SFT2D1: variants seen among roughly 807,000 people sequenced by gnomAD.
SFT2D1 encodes the protein vesicle transport protein SFT2A.
In SFT2D1, 24 loss-of-function variants were observed where a neutral mutation model predicts 28.1. The ratio of observed to expected loss-of-function variants is 0.85; its 90% CI spans 0.62 to 1.20. SFT2D1 has a LOEUF of 1.20. Among genes scored for constraint, SFT2D1 ranks in the 50% most tolerant of loss-of-function variants. The pLI is 0.00. For missense variants in SFT2D1, 181 were observed against 190.9 expected, an observed-to-expected ratio of 0.95 and a Z score of 0.31; for synonymous variants, 82 against 73.7, an observed-to-expected ratio of 1.11 and a Z score of -0.58.
chr6:166,324,290 G>GA, intron 6 of SFT2D1: 1 of 389,454 alleles, frequency 2.6e-6, no homozygotes, highest in Non-Finnish European at 4.6e-6. Flanking sequence ...TCTCACATTA[G>GA]AAAAAAGCAG....
At chr6:166,329,001 T>C (rs906360235) in intron 3 of SFT2D1, among the ~76,000 whole-genome samples, 6 of 152,272 alleles carry the variant, frequency 3.9e-5, no homozygotes, top group African/African-American at 1.4e-4. Flanking sequence ...CATGTGAACA[T>C]CTTCTTCATT....
At chr6:166,341,237 G>C (rs935674045) in intron 1 of SFT2D1, among the ~76,000 whole-genome samples, 4 of 152,054 alleles carry the variant, frequency 2.6e-5, no homozygotes, top group Non-Finnish European at 4.4e-5. Flanking sequence ...CTTGAGGTCA[G>C]GAGTTCGAGA....
intron 1 of SFT2D1, among the ~76,000 whole-genome samples, chr6:166,333,995 T>A (rs1363571060): frequency 6.6e-6 from 1 of 152,216 alleles, no homozygotes; most frequent in Non-Finnish European, 1.5e-5. Flanking sequence ...CTGTCCACCC[T>A]GCTTTACAGC....
chr6:166,326,142 GCA>G lies in SFT2D1; in HGVS notation c.339_340del (p.Ala114CysfsTer6), dbSNP rs751078689. The G allele has an allele frequency of 6.2e-7, 1 of 1,613,840 alleles. No homozygotes were observed. The highest frequency in any genetic ancestry group is 1.1e-5 in the South Asian group (1 of 91,072). On this transcript the variant is annotated frameshift_variant, in exon 5 of 8. Coordinates refer to ENST00000361731, the MANE Select transcript of SFT2D1 (RefSeq NM_145169.3). LOFTEE classifies it high-confidence loss of function. ...GCTGACATAACTTACCCAAAGAGCAGCACACAGGGTAAATATGAAACACAACT... is the reference window on the plus strand; with the variant it reads ...GCTGACATAACTTACCCAAAGAGCAGCACAGGGTAAATATGAAACACAACT...
intron 3 of SFT2D1, among the ~76,000 whole-genome samples, chr6:166,328,800 C>T (rs994190453): frequency 6.6e-6 from 1 of 152,168 alleles, no homozygotes; most frequent in East Asian, 1.9e-4. Flanking sequence ...CTTCCTAAGT[C>T]GCCCAGTCTA....
intron 1 of SFT2D1, among the ~76,000 whole-genome samples, chr6:166,334,055 G>A (rs553138241): frequency 3.5e-4 from 54 of 152,268 alleles, no homozygotes; most frequent in Non-Finnish European, 5.3e-4. Flanking sequence ...TTTTCCTCTA[G>A]TGAACATGTT....
chr6:166,341,936 T>G (rs1250086704), intron 1 of SFT2D1, among the ~76,000 whole-genome samples: 1 of 152,156 alleles, frequency 6.6e-6, no homozygotes, highest in Non-Finnish European at 1.5e-5. Flanking sequence ...CCAGTCTCCC[T>G]ATTTCCAAAA....
intron 5 of SFT2D1, 113 bp downstream of exon 5, chr6:166,326,019 T>C (rs1778437968): frequency 3.6e-5 from 38 of 1,054,214 alleles, no homozygotes. Flanking sequence ...ACCTAATCTT[T>C]AGAGAGTTTT....
intron 1 of SFT2D1, among the ~76,000 whole-genome samples, chr6:166,339,726 A>T (rs1311275595): frequency 6.6e-6 from 1 of 151,996 alleles, no homozygotes; most frequent in Non-Finnish European, 1.5e-5. Context: ...TTTCTGGGGC[A>T]TCCTTCTCTC....
intron 1 of SFT2D1, among the ~76,000 whole-genome samples, chr6:166,333,609 G>A (rs897591820): frequency 1.3e-5 from 2 of 152,220 alleles, no homozygotes; most frequent in East Asian, 1.9e-4. Context: ...AAATCCCACC[G>A]GAGTGCAGCT....
intron 7 of SFT2D1, among the ~76,000 whole-genome samples, chr6:166,321,370 G>A (rs1430599693): frequency 6.6e-6 from 1 of 152,150 alleles, no homozygotes; most frequent in African/African-American, 2.4e-5. Context: ...TCATGTTCTT[G>A]AAGTCCTGCC....
intron 1 of SFT2D1, among the ~76,000 whole-genome samples, chr6:166,335,836 C>T (rs962641715): frequency 6.6e-6 from 1 of 152,192 alleles, no homozygotes; most frequent in East Asian, 1.9e-4. Context: ...GATTTGTGAA[C>T]TCAGTCAGCC....
intron 1 of SFT2D1, among the ~76,000 whole-genome samples, chr6:166,341,953 C>A (rs1178122627): frequency 6.6e-6 from 1 of 152,158 alleles, no homozygotes; most frequent in South Asian, 2.1e-4. Context: ...AAAAGACCAC[C>A]CCCCAGCAAA....
At chr6:166,328,206 G>A in intron 4 of SFT2D1, 70 bp downstream of exon 4, 1 of 828,380 alleles carries the variant, frequency 1.2e-6, no homozygotes, top group Non-Finnish European at 1.8e-6. Context: ...TACATAACAG[G>A]CAATTATTCG....
intron 1 of SFT2D1, among the ~76,000 whole-genome samples, chr6:166,332,942 T>G (rs558436564): frequency 1.6e-4 from 25 of 152,292 alleles, no homozygotes; most frequent in African/African-American, 5.5e-4. Flanking sequence ...CCCCTTTAAG[T>G]GACGGAGAAG....
At chr6:166,334,756 T>C in intron 1 of SFT2D1, 2 of 364,760 alleles carry the variant, frequency 5.5e-6, no homozygotes, top group Non-Finnish European at 1.1e-5. Flanking sequence ...CTCTGGGGCT[T>C]TGGGTTTGTC....
rs1778434460 is a variant in SFT2D1 at position 166,325,804 on chromosome 6, T to C, written c.351+328A>G. On this transcript the variant is annotated intron_variant, in intron 5 of 7. Coordinates refer to ENST00000361731, the MANE Select transcript of SFT2D1 (RefSeq NM_145169.3). ...ATCTATGGCACATTTAGCCACCAGC[T>C]GGGTAGGTGAGCATGTGTGCACATG... 7 of 339,156 alleles carry C rather than the reference T, an allele frequency of 2.1e-5. No homozygotes were observed. In the South Asian group the frequency reaches 3.4e-4, roughly 16 times the overall value. The allele number at this position is 339,156 out of a possible 1,614,324, so 21.0% of individuals were successfully genotyped here. A position where few individuals can be genotyped will look rare whatever the true frequency, so the allele number is the denominator to read the frequency against.
intron 1 of SFT2D1, chr6:166,335,283 G>C (rs1227853450): frequency 3.4e-6 from 2 of 580,786 alleles, no homozygotes; most frequent in Non-Finnish European, 6.6e-6. Flanking sequence ...AGCGGTGGCG[G>C]TGGATACAGT....
intron 1 of SFT2D1, among the ~76,000 whole-genome samples, chr6:166,338,597 C>G (rs750133129): frequency 2.0e-5 from 3 of 152,036 alleles, no homozygotes; most frequent in Non-Finnish European, 4.4e-5. Flanking sequence ...AGAAATGCAA[C>G]TGCCAGGTCT....
Sources: gnomAD v4.1 joint callset for allele counts (sites outside exome capture counted in the v4.1 genomes callset) on GRCh38, gnomAD v4.1.1 for gene constraint, MANE v1.5 for transcripts, NCBI Gene and HGNC (gene_info 2026-07-23, HGNC 2026-07-21) for gene names.